Variants in PTPN2 observed in about 807,000 individuals in gnomAD.
PTPN2 encodes the protein tyrosine-protein phosphatase non-receptor type 2.
A neutral mutation model predicts 57.3 loss-of-function variants in PTPN2; 19 were observed. That is an observed-to-expected ratio of 0.33 (90% CI 0.23 to 0.49). The LOEUF is 0.49. Among genes scored for constraint, PTPN2 ranks in the 20% least tolerant of loss-of-function variants. PTPN2 has a pLI of 0.99. For missense variants in PTPN2, 358 were observed against 501.1 expected (o/e 0.71, Z 2.73); for synonymous variants, 153 against 164.9 (o/e 0.93, Z 0.55).
chr18:12,785,893 A>G, intron 9 of PTPN2: 2 of 1,454,728 alleles, frequency 1.4e-6, no homozygotes, highest in Non-Finnish European at 1.9e-6. Flanking sequence ...TTTACCAAAC[A>G]CACAGACGAA....
downstream of PTPN2, among the ~76,000 whole-genome samples, chr18:12,788,710 C>T (rs186204573): frequency 1.4e-3 from 217 of 152,140 alleles, 1 homozygote; most frequent in African/African-American, 4.8e-3. Context: ...TAGTATACAA[C>T]AGGAGAAAAG....
chr18:12,836,726 G>T, intron 3 of PTPN2, 65 bp downstream of exon 3: 1 of 1,024,476 alleles, frequency 9.8e-7, no homozygotes, highest in South Asian at 1.5e-5. Context: ...TTTTACCTAT[G>T]ATTTAAAGCA....
chr18:12,832,248 C>G (rs1177063909), intron 3 of PTPN2, among the ~76,000 whole-genome samples: 1 of 152,160 alleles, frequency 6.6e-6, no homozygotes, highest in Admixed American at 6.5e-5. Flanking sequence ...TCCCACGGAG[C>G]TGGAATTATA....
intron 6 of PTPN2, among the ~76,000 whole-genome samples, 198 bp from the exon 7 acceptor site, chr18:12,814,553 A>T (rs1282863037): frequency 6.6e-6 from 1 of 152,146 alleles, no homozygotes; most frequent in East Asian, 1.9e-4. Context: ...TCAACCCCTC[A>T]AGTAGTTGGA....
downstream of PTPN2, chr18:12,787,822 G>A (rs754494096): frequency 1.1e-4 from 17 of 153,112 alleles, no homozygotes; most frequent in Non-Finnish European, 1.9e-4. Flanking sequence ...TGAAACAAAC[G>A]TGGTGCTTTC....
At chr18:12,797,037 A>G (rs1307930853) in intron 8 of PTPN2, among the ~76,000 whole-genome samples, 3 of 152,230 alleles carry the variant, frequency 2.0e-5, no homozygotes, top group South Asian at 2.1e-4. Context: ...CTCCATCTGA[A>G]TATCTGCTAT....
chr18:12,820,697 C>A (rs2042241656), intron 5 of PTPN2, among the ~76,000 whole-genome samples: 1 of 152,194 alleles, frequency 6.6e-6, no homozygotes, highest in South Asian at 2.1e-4. Context: ...GCTTCACCCC[C>A]CTCCCTACAC....
At position 12,882,884 on chromosome 18, in the gene PTPN2, A is replaced by G. The variant is rs931115637; in HGVS notation, c.69+1189T>C. Among the ~76,000 whole-genome samples, 26 of 152,336 alleles carry G rather than the reference A, an allele frequency of 1.7e-4. 1 individual carries two copies. The highest frequency in any genetic ancestry group is 1.4e-3 in the Admixed American group (22 of 15,300). On this transcript the variant is annotated intron_variant, in intron 1 of 8. Transcript: ENST00000309660. ...TTACTTTACACAGAGAGAACCAAACATCAGAAGCAGCATTAACTTAACCGT... is the reference window on the plus strand; with the variant it reads ...TTACTTTACACAGAGAGAACCAAACGTCAGAAGCAGCATTAACTTAACCGT...
chr18:12,802,330 T>A (rs2041462203), intron 7 of PTPN2, among the ~76,000 whole-genome samples, 179 bp from the exon 8 acceptor site: 1 of 152,210 alleles, frequency 6.6e-6, no homozygotes, highest in Non-Finnish European at 1.5e-5. Flanking sequence ...CTATGCTTAT[T>A]TTAATTTCAA....
chr18:12,841,344 A>G (rs1189617205), intron 2 of PTPN2, among the ~76,000 whole-genome samples: 1 of 152,226 alleles, frequency 6.6e-6, no homozygotes, highest in Admixed American at 6.5e-5. Flanking sequence ...CAGGCTCTGG[A>G]CAGGGCCCCA....
At chr18:12,840,985 T>A in intron 2 of PTPN2, 1 of 1,435,826 alleles carries the variant, frequency 7.0e-7, no homozygotes, top group Non-Finnish European at 9.1e-7. Flanking sequence ...ATACACAATT[T>A]TTAGTCAACA....
At chr18:12,850,841 G>C (rs1205709197) in intron 2 of PTPN2, among the ~76,000 whole-genome samples, 1 of 151,940 alleles carries the variant, frequency 6.6e-6, no homozygotes, top group Non-Finnish European at 1.5e-5. Context: ...CCGGATTCAA[G>C]CAATTCTCCT....
At chr18:12,794,560 G>C (rs1294596140) in intron 8 of PTPN2, 75 bp from the exon 9 acceptor site, 65 of 1,531,946 alleles carry the variant, frequency 4.2e-5, no homozygotes, top group Non-Finnish European at 5.4e-5. Context: ...AGAGGACCTA[G>C]GCGCAAATAA....
At chr18:12,844,134 T>C (rs1374472556) in intron 2 of PTPN2, among the ~76,000 whole-genome samples, 2 of 152,266 alleles carry the variant, frequency 1.3e-5, no homozygotes, top group African/African-American at 4.8e-5. Context: ...TTTTTATTGC[T>C]GAGTAGTATT....
chr18:12,849,063 A>C (rs564553455), intron 2 of PTPN2, among the ~76,000 whole-genome samples: 3 of 152,294 alleles, frequency 2.0e-5, no homozygotes, highest in South Asian at 2.1e-4. Flanking sequence ...CTTGTTCCCA[A>C]TATTTTTTTA....
At chr18:12,785,877 T>C (rs1291918602) in intron 9 of PTPN2, 1 of 1,562,040 alleles carries the variant, frequency 6.4e-7, no homozygotes, top group Admixed American at 1.7e-5. Context: ...ATCTATTCAA[T>C]TCATATTTAC....
intron 7 of PTPN2, among the ~76,000 whole-genome samples, chr18:12,804,293 A>C (rs2041544716): frequency 6.7e-6 from 1 of 149,454 alleles, no homozygotes; most frequent in African/African-American, 2.4e-5. Context: ...CTGTCTCAAA[A>C]AAAAAAAAAA....
intron 5 of PTPN2, chr18:12,819,153 C>A: frequency 3.1e-6 from 2 of 652,980 alleles, no homozygotes; most frequent in Non-Finnish European, 2.3e-6. Flanking sequence ...GTCCCAGACT[C>A]AGTATATAAG....
intron 4 of PTPN2, among the ~76,000 whole-genome samples, chr18:12,830,164 T>C (rs1313372303): frequency 1.3e-5 from 2 of 151,788 alleles, no homozygotes; most frequent in African/African-American, 4.8e-5. Flanking sequence ...GTGCAGTGGG[T>C]TTTGAGATGG....
Sources: gnomAD v4.1 joint callset for allele counts (sites outside exome capture counted in the v4.1 genomes callset) on GRCh38, gnomAD v4.1.1 for gene constraint, MANE v1.5 for transcripts, NCBI Gene and HGNC (gene_info 2026-07-23, HGNC 2026-07-21) for gene names.